The following A2M variants were observed in gnomAD, a reference collection of about 807,000 sequenced individuals.
A2M encodes the protein C3 and PZP-like alpha-2-macroglobulin domain-containing protein 5.
A2M carries 128 observed loss-of-function variants against 183.9 expected under a neutral mutation model. That is an observed-to-expected ratio of 0.70 (90% CI 0.60 to 0.81). A2M has a LOEUF of 0.81. Among genes scored for constraint, A2M ranks in the 30% least tolerant of loss-of-function variants. The pLI, the probability that A2M is intolerant of heterozygous loss-of-function variation, is 0.00. For synonymous variants in A2M, 592 were observed against 670.8 expected (o/e 0.88, Z 1.81); for missense variants, 1,495 against 1,787.6 (o/e 0.84, Z 2.95).
intron 33 of A2M, among the ~76,000 whole-genome samples, chr12:9,069,375 T>C (rs774908001): frequency 2.6e-5 from 4 of 152,324 alleles, no homozygotes; most frequent in Admixed American, 2.6e-4. Context: ...GACTGACAGT[T>C]TTTTTTCCCT....
Position 9,093,445 on chromosome 12 carries a change from A to G in A2M, c.2240+20T>C, listed in dbSNP as rs200524075. The G allele has an allele frequency of 1.9e-5, 30 of 1,544,614 alleles. No homozygotes were observed. The highest frequency in any genetic ancestry group is 3.5e-4 in the Middle Eastern group (2 of 5,750). The stretch of plus-strand genomic sequence containing the variant: ...AGGGACCTCTATTGTTGCATATTGC[A>G]TATGCAGGAAGTTACTTACTTTACC... On this transcript the variant is annotated intron_variant, in intron 18 of 35. Coordinates refer to ENST00000318602, the MANE Select transcript of A2M (RefSeq NM_000014.6).
chr12:9,112,226 T>A lies in A2M; in HGVS notation c.431-15A>T. On this transcript the variant is annotated splice_polypyrimidine_tract_variant and intron_variant, in intron 3 of 35. Transcript: ENST00000318602. ...ACGAAATTTCACTGAAACAGAAATATTTTTCATGAGCCCCCAAACCCAAAG... is the reference window on the plus strand; with the variant it reads ...ACGAAATTTCACTGAAACAGAAATAATTTTCATGAGCCCCCAAACCCAAAG... The A allele has an allele frequency of 6.2e-7, 1 of 1,613,784 alleles. No individual in the cohort carries two copies. Among genetic ancestry groups the A allele is most frequent in the Non-Finnish European group, 8.5e-7 (1 of 1,179,766 alleles).
intron 21 of A2M, 68 bp from the exon 22 acceptor site, chr12:9,089,319 G>T: frequency 9.0e-7 from 1 of 1,111,602 alleles, no homozygotes; most frequent in Non-Finnish European, 1.3e-6. Context: ...TTAATGGAGG[G>T]ACCACAGATA....
chr12:9,084,301 C>G (rs1462008933), intron 22 of A2M, among the ~76,000 whole-genome samples: 1 of 152,106 alleles, frequency 6.6e-6, no homozygotes, highest in East Asian at 1.9e-4. Context: ...TACTCTATGA[C>G]TGTAATGATG....
At chr12:9,108,099 GTTTATTTTATTTTATTTTAT>G (rs150597149) in intron 7 of A2M, among the ~76,000 whole-genome samples, 4 of 148,262 alleles carry the variant, frequency 2.7e-5, no homozygotes, top group African/African-American at 2.5e-5. Flanking sequence ...AGTTTCACTT[GTTTATTTTATTTTATTTTAT>G]TTTATTTTAT....
At chr12:9,103,373 T>G (rs1484626497) in intron 11 of A2M, among the ~76,000 whole-genome samples, 1 of 152,204 alleles carries the variant, frequency 6.6e-6, no homozygotes, top group Non-Finnish European at 1.5e-5. Flanking sequence ...CCACTTTATC[T>G]GATTCAGATT....
intron 22 of A2M, among the ~76,000 whole-genome samples, chr12:9,083,698 GAAA>G (rs1227857812): frequency 6.9e-6 from 1 of 145,274 alleles, no homozygotes; most frequent in African/African-American, 2.5e-5. Flanking sequence ...AGAAGAAGAA[GAAA>G]GAGACTATAA....
intron 22 of A2M, among the ~76,000 whole-genome samples, chr12:9,081,827 A>G (rs1000842523): frequency 6.6e-6 from 1 of 152,228 alleles, no homozygotes; most frequent in African/African-American, 2.4e-5. Context: ...TCAGGTAGAA[A>G]CAAAGAAGGA....
chr12:9,080,575 T>C (rs1317805930), intron 22 of A2M, among the ~76,000 whole-genome samples: 1 of 152,164 alleles, frequency 6.6e-6, no homozygotes, highest in Non-Finnish European at 1.5e-5. Flanking sequence ...CAAAGCCCTA[T>C]AAGTATACAT....
At chr12:9,079,406 C>G in intron 24 of A2M, 75 bp from the exon 25 acceptor site, 2 of 1,399,168 alleles carry the variant, frequency 1.4e-6, no homozygotes, top group Non-Finnish European at 2.0e-6. Flanking sequence ...CTAAAAGTAC[C>G]TTGGCTTCTC....
chr12:9,104,837 A>G (rs2137912940), intron 10 of A2M, among the ~76,000 whole-genome samples: 1 of 152,310 alleles, frequency 6.6e-6, no homozygotes, highest in South Asian at 2.1e-4. Flanking sequence ...TGTGCCCCAA[A>G]CACCTATTTT....
chr12:9,108,362 G>A (rs1366279054), intron 7 of A2M, among the ~76,000 whole-genome samples: 4 of 152,072 alleles, frequency 2.6e-5, no homozygotes, highest in Admixed American at 6.5e-5. Context: ...TCCTGACCTC[G>A]TGATCTGCCC....
At chr12:9,098,053 T>A (rs1418893913) in intron 15 of A2M, among the ~76,000 whole-genome samples, 1 of 152,246 alleles carries the variant, frequency 6.6e-6, no homozygotes, top group Non-Finnish European at 1.5e-5. Flanking sequence ...CTCCTATTAC[T>A]GGTTGCATGG....
At position 9,074,855 on chromosome 12, in the gene A2M, C is replaced by T. The variant is rs1376477093; in HGVS notation, c.3533-72G>A. 8 of 1,454,968 alleles carry T rather than the reference C, an allele frequency of 5.5e-6. No individual in the cohort carries two copies. The African/African-American group carries it at 8.5e-5, about 15-fold the overall frequency. The allele number at this position is 1,454,968 out of a possible 1,614,324, so 90.1% of individuals were successfully genotyped here. A position where few individuals can be genotyped will look rare whatever the true frequency, so the allele number is the denominator to read the frequency against. On this transcript the variant is annotated intron_variant, in intron 28 of 35. Coordinates refer to ENST00000318602, the MANE Select transcript of A2M (RefSeq NM_000014.6). ...TTAATTCAAGGTGAAAGTACCCAAG[C>T]CAGTGCTGAAATGAGAATTGCATGC...
chr12:9,097,327 CTT>C (rs1280014053), intron 15 of A2M, among the ~76,000 whole-genome samples: 2 of 151,968 alleles, frequency 1.3e-5, no homozygotes, highest in African/African-American at 2.4e-5. Context: ...ATAAATTTCT[CTT>C]TGTTAAATTA....
chr12:9,104,250 G>C lies in A2M; in HGVS notation c.1255C>G (p.Leu419Val), dbSNP rs762386196. 2 of 1,611,818 alleles carry C rather than the reference G, an allele frequency of 1.2e-6. No homozygotes were observed. The highest frequency in any genetic ancestry group is 8.5e-7 in the Non-Finnish European group (1 of 1,179,080). Residue 419 changes from leucine to valine, a missense_variant, in exon 11 of 36, where the codon CTT becomes GTT. Transcript: ENST00000318602. The stretch of plus-strand genomic sequence containing the variant: ...CTTTCCAAACTTACCCTAACAGTAA[G>C]AGAGGTACCCATAACATTGGTGGTG... ...INTTNVMGTS[L>V]TVRVNYKDRS...
chr12:9,095,913 C>T (rs1339155189), intron 15 of A2M, among the ~76,000 whole-genome samples: 2 of 151,204 alleles, frequency 1.3e-5, no homozygotes, highest in Non-Finnish European at 3.0e-5. Flanking sequence ...GCGCCCGCCA[C>T]CGCGCCCGGC....
Position 9,070,472 on chromosome 12 carries a change from G to T in A2M, c.4194+16C>A. The T allele has an allele frequency of 6.3e-7, 1 of 1,582,034 alleles. No individual in the cohort carries two copies. The highest frequency in any genetic ancestry group is 8.7e-7 in the Non-Finnish European group (1 of 1,151,386). On this transcript the variant is annotated intron_variant, in intron 32 of 35. Transcript: ENST00000318602. ...ATTAAATAAAATAGGGCAGTCTGGG[G>T]TTATGATAAACCTACCATTTTCACT...
Position 9,098,608 on chromosome 12 carries a change from G to A in A2M, c.1850C>T (p.Ser617Leu), listed in dbSNP as rs531579697. The A allele has an allele frequency of 2.7e-5, 43 of 1,597,178 alleles. No homozygotes were observed. The highest frequency in any genetic ancestry group is 3.5e-5 in the Admixed American group (2 of 57,460). ...MKPDAELSAS[S>L]VYNLLPEKDL... is the part of the protein sequence containing the mutation. ...TTCCTGAGGCTGCCAGGAACTCACC[G>A]AGGACGCCGAGAGCTCAGCATCAGG... Residue 617 changes from serine to leucine, a missense_variant and splice_region_variant, in exon 15 of 36, where the codon TCG becomes TTG. Ser to Leu is a moderately radical substitution (Grantham distance 145). Coordinates refer to ENST00000318602, the MANE Select transcript of A2M (RefSeq NM_000014.6).
Sources: allele counts gnomAD v4.1 joint callset (sites outside exome capture counted in the v4.1 genomes callset), GRCh38; gene constraint gnomAD v4.1.1; transcripts MANE v1.5; gene names NCBI Gene and HGNC (gene_info 2026-07-23, HGNC 2026-07-21).